The following NOTCH2 variants were observed in gnomAD, a reference collection of about 807,000 sequenced individuals.
The protein encoded by NOTCH2 is notch receptor 2, also known as neurogenic locus notch homolog protein 2.
A neutral mutation model predicts 235.8 loss-of-function variants in NOTCH2; 29 were observed. The observed-to-expected ratio is 0.12, with a 90% CI of 0.09 to 0.17. The LOEUF (loss-of-function observed/expected upper bound fraction) is 0.17. NOTCH2 is among the 10% of genes least tolerant of loss of function. The pLI, the probability that NOTCH2 is intolerant of heterozygous loss-of-function variation, is 1.00. For synonymous variants in NOTCH2, 1,086 were observed against 1,141.5 expected (o/e 0.95, Z 0.98); for missense variants, 2,285 against 3,150.2 (o/e 0.73, Z 6.57).
intron 3 of NOTCH2, among the ~76,000 whole-genome samples, chr1:119,999,478 CT>C: frequency 6.8e-6 from 1 of 147,306 alleles, no homozygotes; most frequent in East Asian, 2.0e-4. Context: ...TGCAATTCTT[CT>C]TGTCTTTCCA....
At chr1:119,991,824 CT>C (rs1652257679) in intron 4 of NOTCH2, among the ~76,000 whole-genome samples, 2 of 104,048 alleles carry the variant, frequency 1.9e-5, no homozygotes, top group Admixed American at 1.8e-4. Context: ...GATGCTCCGT[CT>C]CAAAAAAAAA....
rs1649129642 is a variant in NOTCH2, at chr1:119,917,568, T to C, written c.6027+97A>G. ...CCCAAACTGCTTCCATCTTTGTCTA[T>C]ACATATAACAAGAGAAGCTGTAAGG... On this transcript the variant is annotated intron_variant, in intron 33 of 33. Coordinates refer to ENST00000256646, the MANE Select transcript of NOTCH2 (RefSeq NM_024408.4). The C allele has an allele frequency of 8.1e-6, 7 of 862,446 alleles. No homozygotes were observed. The South Asian group carries it at 9.2e-5, about 11-fold the overall frequency. The allele number at this position is 862,446 out of a possible 1,614,324, so 53.4% of individuals were successfully genotyped here.
At chr1:119,987,174 C>T in intron 4 of NOTCH2, 92 bp from the exon 5 acceptor site, 1 of 1,480,934 alleles carries the variant, frequency 6.8e-7, no homozygotes, top group Non-Finnish European at 9.3e-7. Context: ...TAGAATAGAC[C>T]CGCTTCATGA....
intron 25 of NOTCH2, 115 bp from the exon 26 acceptor site, chr1:119,924,099 C>A: frequency 1.1e-6 from 1 of 882,120 alleles, no homozygotes; most frequent in Non-Finnish European, 1.8e-6. Flanking sequence ...TGGCCCACAC[C>A]CAGGACCCAA....
chr1:119,921,288 T>C (rs992142143), intron 29 of NOTCH2, among the ~76,000 whole-genome samples: 6 of 152,232 alleles, frequency 3.9e-5, no homozygotes, highest in East Asian at 1.9e-4. Context: ...TGTCAACGTT[T>C]TGCCATGATC....
intron 17 of NOTCH2, among the ~76,000 whole-genome samples, chr1:119,947,778 C>T (rs1213304023): frequency 6.6e-6 from 1 of 152,152 alleles, no homozygotes; most frequent in African/African-American, 2.4e-5. Context: ...TGTAATATGT[C>T]CATACAATGG....
intron 12 of NOTCH2, among the ~76,000 whole-genome samples, chr1:119,958,742 C>G (rs61789712): frequency 2.5e-4 from 31 of 122,150 alleles, no homozygotes; most frequent in African/African-American, 8.8e-4. Context: ...GTGTGTGTGT[C>G]TGTGTGTGCG....
rs200524116 is a variant in NOTCH2, at chr1:119,949,028, A to C, written c.2578T>G (p.Leu860Val). 1 of 1,614,140 alleles carries C rather than the reference A, an allele frequency of 6.2e-7. No homozygotes were observed. Among genetic ancestry groups the C allele is most frequent in the Non-Finnish European group, 8.5e-7 (1 of 1,180,046 alleles). The change falls in exon 16 of 34, where the codon TTG becomes GTG. Residue 860 changes from leucine (L) to valine (V), a missense_variant. Around this residue, in one of 6 missense-constraint regions of NOTCH2, gnomAD observed 1,173 missense variants for 1,515.3 expected, o/e 0.77. Transcript: ENST00000256646. Reference sequence around the variant, plus strand: ...TTACCTTGCCAGCCAGGAGCACACAAGCAAGTATAACTCTCAAAATTTGGT... The same window carrying C: ...TTACCTTGCCAGCCAGGAGCACACACGCAAGTATAACTCTCAAAATTTGGT... ...ESPNFESYTC[L>V]CAPGWQGQRC... is the part of the protein sequence containing the mutation.
At chr1:120,043,823 TCTAGGATTCAACATA>T (rs1229849555) in intron 1 of NOTCH2, among the ~76,000 whole-genome samples, 74 of 148,124 alleles carry the variant, frequency 5.0e-4, no homozygotes, top group Non-Finnish European at 6.1e-4. Flanking sequence ...ACTTGCCAAC[TCTAGGATTCAACATA>T]CTACACTATG....
At chr1:120,058,260 T>C (rs1655189010) in intron 1 of NOTCH2, among the ~76,000 whole-genome samples, 1 of 152,080 alleles carries the variant, frequency 6.6e-6, no homozygotes, top group African/African-American at 2.4e-5. Flanking sequence ...TCCCAGCACT[T>C]TGGGAGGCTG....
At chr1:119,927,163 A>G (rs587652514) in intron 23 of NOTCH2, among the ~76,000 whole-genome samples, 8 of 152,270 alleles carry the variant, frequency 5.3e-5, no homozygotes, top group South Asian at 2.1e-4. Flanking sequence ...TCCTCTAGGA[A>G]TAGTTCTAAA....
At chr1:119,950,640 A>C (rs1268918868) in intron 15 of NOTCH2, 84 bp downstream of exon 15, 1 of 862,020 alleles carries the variant, frequency 1.2e-6, no homozygotes, top group Non-Finnish European at 2.0e-6. Flanking sequence ...TTACAGCCCC[A>C]CAGACCTGGG....
intron 8 of NOTCH2, among the ~76,000 whole-genome samples, 178 bp from the exon 9 acceptor site, chr1:119,966,667 T>A (rs1030650241): frequency 3.3e-5 from 5 of 152,122 alleles, no homozygotes; most frequent in Admixed American, 6.5e-5. Context: ...GGACAGGGCA[T>A]ACTGTGAAAT....
At chr1:119,963,936 C>A in intron 10 of NOTCH2, 129 bp from the exon 11 acceptor site, 2 of 794,080 alleles carry the variant, frequency 2.5e-6, no homozygotes, top group Non-Finnish European at 4.3e-6. Flanking sequence ...AGGTCTTGAG[C>A]AGTAGAAAAC....
At chr1:119,926,650 A>C (rs1356868933) in intron 23 of NOTCH2, 39 bp from the exon 24 acceptor site, 1 of 1,508,246 alleles carries the variant, frequency 6.6e-7, no homozygotes, top group South Asian at 1.2e-5. Flanking sequence ...TAAAAGGCAG[A>C]AGTAGTCACT....
chr1:119,966,390 C>A lies in NOTCH2; in HGVS notation c.1553G>T (p.Cys518Phe), dbSNP rs1651138337. The change falls in exon 9 of 34, where the codon TGC (cysteine) becomes TTC (phenylalanine). Residue 518 changes from cysteine (C) to phenylalanine (F), a missense_variant. This residue lies in a region of NOTCH2 where 431 missense variants were observed against 757.8 expected (regional missense o/e 0.57). Transcript: ENST00000256646. The part of the protein sequence containing the change: ...QCVDKVNRFQ[C>F]LCPPGFTGPV... ...TGGGCACTTACCAGGAGGACACAGGCACTGGAAACGATTGACTTTATCCAC... is the reference window on the plus strand; with the variant it reads ...TGGGCACTTACCAGGAGGACACAGGAACTGGAAACGATTGACTTTATCCAC... The A allele has an allele frequency of 6.2e-7, 1 of 1,613,092 alleles. No individual in the cohort carries two copies. Among genetic ancestry groups the A allele is most frequent in the African/African-American group, 1.3e-5 (1 of 74,878 alleles).
In NOTCH2 at chr1:119,918,415, C is replaced by G; in HGVS notation, c.5920G>C (p.Asp1974His). 6.2e-7 allele frequency: 1 copy of G among 1,614,178 alleles called. No homozygotes were observed. The highest frequency in any genetic ancestry group is 8.5e-7 in the Non-Finnish European group (1 of 1,180,050). Residue 1974 changes from aspartate (D) to histidine (H), a missense_variant, in exon 32 of 34, where the codon GAT becomes CAT. This residue lies in a region of NOTCH2 where 128 missense variants were observed against 255.9 expected (regional missense o/e 0.50). Coordinates refer to ENST00000256646, the MANE Select transcript of NOTCH2 (RefSeq NM_024408.4). Reference protein sequence around the residue: ...INCQADVNAVDDHGKSALHWA... With the variant: ...INCQADVNAVHDHGKSALHWA... The stretch of plus-strand genomic sequence containing the variant: ...TGCCTTTCATCCCTACCATGGTCAT[C>G]CACTGCATTCACATCCGCTTGGCAG...
chr1:120,064,614 G>A (rs1271742696), intron 1 of NOTCH2, among the ~76,000 whole-genome samples: 1 of 151,318 alleles, frequency 6.6e-6, no homozygotes, highest in Non-Finnish European at 1.5e-5. Context: ...AGAAATGTGT[G>A]TAGCACAGAC....
intron 5 of NOTCH2, among the ~76,000 whole-genome samples, chr1:119,970,307 TAA>T (rs369867378): frequency 5.3e-4 from 81 of 152,214 alleles, no homozygotes; most frequent in African/African-American, 1.9e-3. Flanking sequence ...TATCTGAAAA[TAA>T]AAAGTCTAAT....
Sources: gnomAD v4.1 joint callset for allele counts (sites outside exome capture counted in the v4.1 genomes callset) on GRCh38, gnomAD v4.1.1 for gene constraint, gnomAD v4.1.1 regional missense constraint, MANE v1.5 for transcripts, NCBI Gene and HGNC (gene_info 2026-07-23, HGNC 2026-07-21) for gene names.